GFRA2: variants seen among roughly 807,000 people sequenced by gnomAD.
The protein encoded by GFRA2 is GDNF family receptor alpha-2.
Under a neutral mutation model 48.3 loss-of-function variants are expected in GFRA2, and 17 were observed. The ratio of observed to expected loss-of-function variants is 0.35; its 90% confidence interval spans 0.24 to 0.53. GFRA2 has a LOEUF of 0.53. Ranked by LOEUF, GFRA2 falls within the 20% of genes least tolerant of loss-of-function variation. The pLI is 0.93. For synonymous variants in GFRA2, 305 were observed against 257.2 expected, an observed-to-expected ratio of 1.19 and a Z score of -1.78; for missense variants, 660 against 637.3, an observed-to-expected ratio of 1.04 and a Z score of -0.38.
At chr8:21,715,939 A>T (rs559440843) in intron 4 of GFRA2, among the ~76,000 whole-genome samples, 102 of 152,258 alleles carry the variant, frequency 6.7e-4, no homozygotes, top group African/African-American at 2.4e-3. Context: ...AGTCCCTGGG[A>T]TTCTCCTCTG....
At chr8:21,785,307 G>T (rs746919728) in intron 1 of GFRA2, among the ~76,000 whole-genome samples, 6 of 152,206 alleles carry the variant, frequency 3.9e-5, no homozygotes, top group African/African-American at 1.2e-4. Flanking sequence ...CACCTGGCAC[G>T]TGTGGCCAGG....
rs114381269 is a variant in GFRA2, at chr8:21,738,698, T to C, written c.794+11890A>G. The stretch of plus-strand genomic sequence containing the variant: ...AACAGAGAGAAGGGCCTCCTCCTAG[T>C]ATAGGCCTACTCCTCCTTCAAACCC... On this transcript the variant is annotated intron_variant, in intron 4 of 8. Coordinates refer to ENST00000524240, the MANE Select transcript of GFRA2 (RefSeq NM_001495.5). Among the ~76,000 whole-genome samples, 1,234 of 152,148 alleles carry C rather than the reference T, an allele frequency of 8.1e-3. 14 individuals carry two copies. Among genetic ancestry groups the C allele is most frequent in the African/African-American group, 0.028 (1,165 of 41,530 alleles).
rs71513839 is a variant in GFRA2, at chr8:21,755,964, G to A, written c.440-5022C>T. Among the ~76,000 whole-genome samples the A allele has an allele frequency of 3.9e-3, 599 of 152,350 alleles. 2 individuals carry two copies. The highest frequency in any genetic ancestry group is 6.9e-3 in the Non-Finnish European group (472 of 68,022). Reference sequence around the variant, plus strand: ...GTGGGGACACTGCCTCTAAGGGACAGGTTCTCTCCCAGGCCAGCCGTAGGA... The same window carrying A: ...GTGGGGACACTGCCTCTAAGGGACAAGTTCTCTCCCAGGCCAGCCGTAGGA... On this transcript the variant is annotated intron_variant, in intron 3 of 8. Coordinates refer to ENST00000524240, the MANE Select transcript of GFRA2 (RefSeq NM_001495.5).
In GFRA2 at chr8:21,750,991, G is replaced by A. The variant is rs1291322878; in HGVS notation, c.440-49C>T. 8.1e-7 allele frequency: 1 copy of A among 1,227,854 alleles called. No homozygotes were observed. The highest frequency in any genetic ancestry group is 1.2e-6 in the Non-Finnish European group (1 of 856,100). 76.1% of individuals were successfully genotyped at this position (1,227,854 alleles called of 1,614,324 possible). ...GTCAGAGGCCACACAAGCATGAGGA[G>A]GACACAGCTGCCCCCTCACTGGAAG... is the stretch of plus-strand genomic sequence containing the variant. On this transcript the variant is annotated intron_variant, in intron 3 of 8. Coordinates refer to ENST00000524240, the MANE Select transcript of GFRA2 (RefSeq NM_001495.5). The surrounding 1 kb of genome is among the most constrained non-coding windows in gnomAD (Gnocchi z 5.7).
intron 4 of GFRA2, among the ~76,000 whole-genome samples, chr8:21,746,576 G>A (rs1425149655): frequency 6.6e-6 from 1 of 152,110 alleles, no homozygotes; most frequent in African/African-American, 2.4e-5. Flanking sequence ...AGCACTGCTT[G>A]TGGGCCCTGG....
chr8:21,693,603 G>C (rs1266143842), intron 8 of GFRA2, among the ~76,000 whole-genome samples: 2 of 151,994 alleles, frequency 1.3e-5, no homozygotes, highest in South Asian at 2.1e-4. Context: ...GGAGCAGAAG[G>C]GAATGCTCTG....
chr8:21,789,426 G>C (rs1356404958), upstream of GFRA2, among the ~76,000 whole-genome samples: 3 of 152,066 alleles, frequency 2.0e-5, no homozygotes, highest in African/African-American at 7.2e-5. Flanking sequence ...CGCGGAGTCC[G>C]TGGGGCCCGA....
At chr8:21,764,715 T>C (rs1806073549) in intron 3 of GFRA2, among the ~76,000 whole-genome samples, 3 of 152,184 alleles carry the variant, frequency 2.0e-5, no homozygotes, top group Non-Finnish European at 4.4e-5. Flanking sequence ...CCTTCCTGCT[T>C]ACATCCTTCA....
chr8:21,770,442 C>T (rs1285716485), intron 3 of GFRA2, among the ~76,000 whole-genome samples: 2 of 152,202 alleles, frequency 1.3e-5, no homozygotes, highest in African/African-American at 4.8e-5. Context: ...AGGATTGGGG[C>T]TTAGAGGAGA....
chr8:21,733,973 T>G, intron 4 of GFRA2, among the ~76,000 whole-genome samples: 1 of 151,748 alleles, frequency 6.6e-6, no homozygotes. Context: ...CTCTGGGAGG[T>G]GGATCCACAG....
At chr8:21,706,078 G>A (rs1781313217) in intron 4 of GFRA2, 37 bp from the exon 5 acceptor site, 1 of 1,357,608 alleles carries the variant, frequency 7.4e-7, no homozygotes, top group Admixed American at 2.0e-5. Context: ...AGAAAACAGG[G>A]GTTCAGTCTA....
At chr8:21,801,706 C>G (rs1189666717) in intron 2 of GFRA2, among the ~76,000 whole-genome samples, 3 of 152,124 alleles carry the variant, frequency 2.0e-5, no homozygotes, top group African/African-American at 7.2e-5. Flanking sequence ...CCAAGAAAAA[C>G]CATCAGCCCC....
intron 4 of GFRA2, among the ~76,000 whole-genome samples, chr8:21,715,340 G>T (rs182164036): frequency 1.3e-5 from 2 of 152,110 alleles, no homozygotes; most frequent in Non-Finnish European, 2.9e-5. Context: ...ATGAAGTCTC[G>T]CTCTGTCACC....
intron 4 of GFRA2, among the ~76,000 whole-genome samples, chr8:21,718,204 G>A (rs1484465161): frequency 6.6e-6 from 1 of 152,168 alleles, no homozygotes; most frequent in Admixed American, 6.5e-5. Flanking sequence ...CTGTTGTCGT[G>A]ATAGTGAGTA....
At chr8:21,761,661 G>A (rs1189427480) in intron 3 of GFRA2, among the ~76,000 whole-genome samples, 3 of 152,206 alleles carry the variant, frequency 2.0e-5, no homozygotes, top group African/African-American at 7.2e-5. Flanking sequence ...TTAAAAAGGT[G>A]TCACCTGGCT....
At chr8:21,808,556 GTCATTTTCT>G (rs576287699) in intron 1 of GFRA2, among the ~76,000 whole-genome samples, 1 of 152,306 alleles carries the variant, frequency 6.6e-6, no homozygotes, top group South Asian at 2.1e-4. Context: ...ACGGGACTTG[GTCATTTTCT>G]TCTCCGCAGC....
upstream of GFRA2, chr8:21,790,200 T>A: frequency 3.3e-6 from 2 of 605,728 alleles, no homozygotes; most frequent in Non-Finnish European, 4.1e-6. Flanking sequence ...AGGCGCGGGG[T>A]CGCGGTCGCG....
At position 21,726,276 on chromosome 8, in the gene GFRA2, G is replaced by C. The variant is rs922825519; in HGVS notation, c.795-20235C>G. Among the ~76,000 whole-genome samples, 5 of 152,132 alleles carry C rather than the reference G, an allele frequency of 3.3e-5. No individual in the cohort carries two copies. The East Asian group carries it at 9.6e-4, about 29-fold the overall frequency. On this transcript the variant is annotated intron_variant, in intron 4 of 8. Coordinates refer to ENST00000524240, the MANE Select transcript of GFRA2 (RefSeq NM_001495.5). ...CAAGCCCCTGCTGCCCAGCTCTCAG[G>C]GGGTATTAATTGTCATGAAGGCAGC...
At chr8:21,807,185 T>C (rs1807888591) in intron 1 of GFRA2, among the ~76,000 whole-genome samples, 1 of 152,250 alleles carries the variant, frequency 6.6e-6, no homozygotes, top group Non-Finnish European at 1.5e-5. Context: ...TATTCAGCAC[T>C]GAGATCATTG....
Sources: allele counts gnomAD v4.1 joint callset (sites outside exome capture counted in the v4.1 genomes callset), GRCh38; gene constraint gnomAD v4.1.1; non-coding constraint Gnocchi (gnomAD v3.1); transcripts MANE v1.5; gene names NCBI Gene and HGNC (gene_info 2026-07-23, HGNC 2026-07-21).